Variants in MON2 observed in about 807,000 individuals in gnomAD.
MON2 encodes the protein protein MON2 homolog.
MON2 carries 84 observed loss-of-function variants against 208.6 expected under a neutral mutation model. That is an observed-to-expected ratio of 0.40 (90% CI 0.34 to 0.48). MON2 has a LOEUF of 0.48. Among genes scored for constraint, MON2 ranks in the 20% least tolerant of loss-of-function variants. The pLI is 0.59. For synonymous variants in MON2, 660 were observed against 694.0 expected, an observed-to-expected ratio of 0.95 and a Z score of 0.77; for missense variants, 1,611 against 2,015.4, an observed-to-expected ratio of 0.80 and a Z score of 3.84.
chr12:62,530,689 A>G (rs1264137371), intron 11 of MON2, among the ~76,000 whole-genome samples: 1 of 152,202 alleles, frequency 6.6e-6, no homozygotes, highest in Non-Finnish European at 1.5e-5. Flanking sequence ...TAATACTACC[A>G]TGAGCATTTG....
At chr12:62,493,420 T>A (rs561225607) in intron 2 of MON2, among the ~76,000 whole-genome samples, 1 of 152,334 alleles carries the variant, frequency 6.6e-6, no homozygotes, top group South Asian at 2.1e-4. Context: ...ATGTGTTTAT[T>A]TCTTGAAGAA....
At chr12:62,472,922 G>T (rs2068868086) in intron 1 of MON2, among the ~76,000 whole-genome samples, 1 of 152,016 alleles carries the variant, frequency 6.6e-6, no homozygotes, top group Admixed American at 6.6e-5. Context: ...CCTGTGCTTT[G>T]GTGACAGAAA....
At chr12:62,532,053 G>A (rs2072677055) in intron 11 of MON2, among the ~76,000 whole-genome samples, 1 of 152,196 alleles carries the variant, frequency 6.6e-6, no homozygotes, top group African/African-American at 2.4e-5. Context: ...ACAGGCGTGA[G>A]CCACCACGCC....
intron 1 of MON2, among the ~76,000 whole-genome samples, chr12:62,476,310 T>G (rs980326307): frequency 2.0e-5 from 3 of 152,220 alleles, no homozygotes; most frequent in African/African-American, 7.2e-5. Context: ...ACTCCCAGTG[T>G]ACACTTGACT....
rs533093337 is a variant in MON2 at position 62,513,271 on chromosome 12, G to A, written c.984+4791G>A. 1.1e-4 allele frequency among the ~76,000 whole-genome samples: 17 copies of A among 152,156 alleles called. No homozygotes were observed. In the South Asian group the frequency reaches 1.2e-3, roughly 11 times the overall value. On this transcript the variant is annotated intron_variant, in intron 8 of 34. Coordinates refer to ENST00000393630, the MANE Select transcript of MON2 (RefSeq NM_015026.3). The stretch of plus-strand genomic sequence containing the variant: ...GATGGAGTCTTGCTCTGTATCCCAG[G>A]CTGGAGTGCAGTGGCCCCATCTTGG...
chr12:62,479,441 C>A (rs1243506184), intron 1 of MON2, among the ~76,000 whole-genome samples: 6 of 146,722 alleles, frequency 4.1e-5, no homozygotes, highest in Non-Finnish European at 9.1e-5. Flanking sequence ...TCCCCCCCCC[C>A]CCCCAAATAT....
intron 5 of MON2, among the ~76,000 whole-genome samples, chr12:62,499,619 A>G (rs998029707): frequency 6.6e-6 from 1 of 152,118 alleles, no homozygotes; most frequent in Non-Finnish European, 1.5e-5. Context: ...CATGCCTGTA[A>G]TCGTAGCATT....
At chr12:62,528,398 C>T (rs1181629957) in intron 11 of MON2, among the ~76,000 whole-genome samples, 1 of 152,130 alleles carries the variant, frequency 6.6e-6, no homozygotes, top group African/African-American at 2.4e-5. Context: ...ATATTTATTA[C>T]ACTACAGATC....
intron 12 of MON2, among the ~76,000 whole-genome samples, chr12:62,533,475 G>T (rs1223964632): frequency 6.6e-6 from 1 of 152,106 alleles, no homozygotes; most frequent in Non-Finnish European, 1.5e-5. Flanking sequence ...GAGGATTATA[G>T]TCTTTATTAT....
At chr12:62,482,355 T>C (rs539078370) in intron 1 of MON2, 31 of 152,334 alleles carry the variant, frequency 2.0e-4, no homozygotes, top group African/African-American at 7.2e-4. Flanking sequence ...TATCTTACAA[T>C]GTGTTCTTTA....
rs146444888 is a variant in MON2 at position 62,554,510 on chromosome 12, T to G, written c.3210+1336T>G. On this transcript the variant is annotated intron_variant, in intron 24 of 34. Transcript: ENST00000393630. ...GCTACAGTTGGTCTTTTTTTGTGAGTGAAAGATAGGGTCTTGCTCTGTCAC... is the reference window on the plus strand; with the variant it reads ...GCTACAGTTGGTCTTTTTTTGTGAGGGAAAGATAGGGTCTTGCTCTGTCAC... Among the ~76,000 whole-genome samples the G allele has an allele frequency of 1.4e-4, 22 of 152,170 alleles. No individual in the cohort carries two copies. In the East Asian group the frequency reaches 2.9e-3, roughly 20 times the overall value.
At chr12:62,494,592 G>A (rs982109820) in intron 3 of MON2, among the ~76,000 whole-genome samples, 1 of 152,170 alleles carries the variant, frequency 6.6e-6, no homozygotes, top group African/African-American at 2.4e-5. Flanking sequence ...ATTTAATTGA[G>A]TGTGCCAATG....
intron 1 of MON2, among the ~76,000 whole-genome samples, chr12:62,481,631 A>G (rs2069447137): frequency 1.3e-5 from 2 of 152,168 alleles, no homozygotes; most frequent in Admixed American, 6.5e-5. Context: ...TGTTTCTAAT[A>G]TACACTGCCC....
intron 25 of MON2, among the ~76,000 whole-genome samples, chr12:62,557,928 T>TTTTATATATATATA (rs1555174418): frequency 4.3e-5 from 2 of 46,130 alleles, no homozygotes; most frequent in Admixed American, 7.6e-4. Flanking sequence ...ACGAATAGAT[T>TTTTATATATATATA]TATATATATA....
intron 8 of MON2, among the ~76,000 whole-genome samples, chr12:62,519,321 G>A (rs2071878455): frequency 6.6e-6 from 1 of 152,092 alleles, no homozygotes; most frequent in Admixed American, 6.6e-5. Flanking sequence ...CTGGGGGTGG[G>A]TGGTGAGAGG....
intron 12 of MON2, among the ~76,000 whole-genome samples, chr12:62,533,770 A>T (rs1293629636): frequency 3.3e-5 from 5 of 152,174 alleles, no homozygotes; most frequent in Non-Finnish European, 7.4e-5. Context: ...ACATAGCCAC[A>T]TACACACACC....
chr12:62,559,567 C>CCCT (rs2074119331), intron 25 of MON2, among the ~76,000 whole-genome samples: 1 of 152,090 alleles, frequency 6.6e-6, no homozygotes, highest in African/African-American at 2.4e-5. Flanking sequence ...CGCTTGAGCC[C>CCCT]AGGAGTTCAA....
chr12:62,500,938 T>C (rs2070794631), intron 6 of MON2, 58 bp downstream of exon 6: 5 of 1,073,932 alleles, frequency 4.7e-6, no homozygotes, highest in Non-Finnish European at 6.7e-6. Flanking sequence ...GTGAATTTTT[T>C]AGTTGGGGAT....
At chr12:62,553,264 T>A in intron 24 of MON2, 90 bp downstream of exon 24, 1 of 1,226,338 alleles carries the variant, frequency 8.2e-7, no homozygotes, top group Non-Finnish European at 1.1e-6. Flanking sequence ...TTTTAATTTT[T>A]AAAGAATTTC....
Sources: allele counts gnomAD v4.1 joint callset (sites outside exome capture counted in the v4.1 genomes callset), GRCh38; gene constraint gnomAD v4.1.1; transcripts MANE v1.5; gene names NCBI Gene and HGNC (gene_info 2026-07-23, HGNC 2026-07-21).